WWOX: variants seen among roughly 807,000 people sequenced by gnomAD.
WWOX encodes the protein WW domain containing oxidoreductase.
Under a neutral mutation model 46.2 loss-of-function variants are expected in WWOX, and 69 were observed. That is an observed-to-expected ratio of 1.49 (90% CI 1.23 to 1.82). The LOEUF is 1.82. Ranked by LOEUF, WWOX falls within the 40% of genes most tolerant of loss-of-function variation. The pLI is 0.00. For missense variants in WWOX, 919 were observed against 542.6 expected, an observed-to-expected ratio of 1.69 and a Z score of -6.89; for synonymous variants, 359 against 202.6, an observed-to-expected ratio of 1.77 and a Z score of -6.56.
At chr16:78,490,792 C>G (rs1033304787) in intron 8 of WWOX, among the ~76,000 whole-genome samples, 4 of 152,224 alleles carry the variant, frequency 2.6e-5, no homozygotes, top group African/African-American at 9.7e-5. Context: ...AACGTGGCTT[C>G]TCTTCCCCAG....
chr16:78,141,430 C>CTTTTTTTT (rs10639685), intron 4 of WWOX, among the ~76,000 whole-genome samples: 14 of 118,960 alleles, frequency 1.2e-4, no homozygotes, highest in African/African-American at 3.8e-4. Flanking sequence ...CATCCCCCTT[C>CTTTTTTTT]TTTTTTTTTT....
rs2049660009 is a variant in WWOX, at chr16:78,756,790, G to A, written c.1056+324038G>A. Reference sequence around the variant, plus strand: ...CTCTGGTGATTCTCAGTTCTTGGTAGCCATGTCTCAGCATAGTCTTCTCGG... The same window carrying A: ...CTCTGGTGATTCTCAGTTCTTGGTAACCATGTCTCAGCATAGTCTTCTCGG... On this transcript the variant is annotated intron_variant, in intron 8 of 8. Coordinates refer to ENST00000566780, the MANE Select transcript of WWOX (RefSeq NM_016373.4). 1.4e-5 allele frequency: 7 copies of A among 516,738 alleles called. No individual in the cohort carries two copies. The South Asian group carries it at 2.4e-4, about 17-fold the overall frequency. 32.0% of individuals were successfully genotyped at this position (516,738 alleles called of 1,614,324 possible).
chr16:78,368,723 C>T (rs1405808056), intron 5 of WWOX, among the ~76,000 whole-genome samples: 2 of 152,196 alleles, frequency 1.3e-5, no homozygotes, highest in African/African-American at 4.8e-5. Context: ...CTGGGTTGCT[C>T]TTTGCAACAC....
At chr16:78,825,072 A>C (rs2051611799) in intron 8 of WWOX, among the ~76,000 whole-genome samples, 1 of 152,162 alleles carries the variant, frequency 6.6e-6, no homozygotes, top group South Asian at 2.1e-4. Flanking sequence ...GGTAATACTC[A>C]TGAACAACTC....
intron 8 of WWOX, among the ~76,000 whole-genome samples, chr16:78,636,270 C>G (rs1308980318): frequency 6.6e-6 from 1 of 152,118 alleles, no homozygotes; most frequent in African/African-American, 2.4e-5. Flanking sequence ...TATTGCAAAC[C>G]TACTGTGTGT....
chr16:78,610,183 C>G (rs765303645), intron 8 of WWOX, among the ~76,000 whole-genome samples: 106 of 152,158 alleles, frequency 7.0e-4, no homozygotes, highest in Non-Finnish European at 1.3e-3. Context: ...ATATACCTTC[C>G]AAATGGAGTA....
At chr16:78,430,454 C>A (rs1265576088) in intron 7 of WWOX, among the ~76,000 whole-genome samples, 1 of 152,154 alleles carries the variant, frequency 6.6e-6, no homozygotes. Context: ...TTTCTAGGCT[C>A]AGATAATTAT....
chr16:78,161,727 A>C (rs1012442311), intron 4 of WWOX, among the ~76,000 whole-genome samples: 4 of 152,164 alleles, frequency 2.6e-5, no homozygotes, highest in Non-Finnish European at 5.9e-5. Context: ...AGGCCACTGT[A>C]CCTAGTCATC....
intron 8 of WWOX, among the ~76,000 whole-genome samples, chr16:79,141,754 G>C (rs996032818): frequency 2.6e-5 from 4 of 152,088 alleles, no homozygotes; most frequent in African/African-American, 4.8e-5. Context: ...GAAGGAAGCA[G>C]TGTCCATTAG....
chr16:78,929,665 C>T (rs986533516), intron 8 of WWOX, among the ~76,000 whole-genome samples: 2 of 152,068 alleles, frequency 1.3e-5, no homozygotes, highest in African/African-American at 2.4e-5. Flanking sequence ...TAAAGACCCG[C>T]GTGGACTGCA....
At chr16:78,825,028 C>G (rs2051610293) in intron 8 of WWOX, among the ~76,000 whole-genome samples, 1 of 152,152 alleles carries the variant, frequency 6.6e-6, no homozygotes, top group Admixed American at 6.5e-5. Context: ...TTCTCTCTCA[C>G]CATCCCCTAA....
intron 8 of WWOX, among the ~76,000 whole-genome samples, chr16:78,918,770 G>A (rs1330626343): frequency 6.6e-6 from 1 of 152,156 alleles, no homozygotes; most frequent in African/African-American, 2.4e-5. Context: ...AATGCTCGGA[G>A]GAGTCAAGTT....
intron 5 of WWOX, among the ~76,000 whole-genome samples, chr16:78,331,158 A>G (rs1016669739): frequency 6.6e-6 from 1 of 152,192 alleles, no homozygotes; most frequent in Non-Finnish European, 1.5e-5. Flanking sequence ...TTGTGTCTGT[A>G]ATTTGGAACG....
intron 8 of WWOX, among the ~76,000 whole-genome samples, chr16:78,568,253 T>C (rs1333941849): frequency 2.6e-5 from 4 of 152,036 alleles, no homozygotes; most frequent in Admixed American, 6.5e-5. Flanking sequence ...TTAGAAAATA[T>C]ATGAGGTACG....
chr16:78,361,221 G>C (rs959241333), intron 5 of WWOX, among the ~76,000 whole-genome samples: 1 of 152,152 alleles, frequency 6.6e-6, no homozygotes, highest in African/African-American at 2.4e-5. Flanking sequence ...CTGAGTGTAA[G>C]CATTTTTTGG....
chr16:78,188,592 A>G (rs2035784334), intron 5 of WWOX, among the ~76,000 whole-genome samples: 2 of 152,134 alleles, frequency 1.3e-5, no homozygotes, highest in South Asian at 4.1e-4. Flanking sequence ...AAAATCCCAG[A>G]ATAGTAGGAC....
At position 78,420,362 on chromosome 16, in the gene WWOX, A is replaced by G. The variant is rs572525972; in HGVS notation, c.606-4508A>G. Among the ~76,000 whole-genome samples, 3 of 152,340 alleles carry G rather than the reference A, an allele frequency of 2.0e-5. No individual in the cohort carries two copies. The South Asian group carries it at 6.2e-4, about 32-fold the overall frequency. ...TCCTAATAGCCAATAAATGGAAACA[A>G]TCCAAATATCCATCATTGGTGAATG... On this transcript the variant is annotated intron_variant, in intron 6 of 8. Coordinates refer to ENST00000566780, the MANE Select transcript of WWOX (RefSeq NM_016373.4).
intron 7 of WWOX, among the ~76,000 whole-genome samples, chr16:78,425,591 C>G (rs188589842): frequency 1.2e-3 from 176 of 152,260 alleles, no homozygotes; most frequent in African/African-American, 4.1e-3. Context: ...CATCAGATGG[C>G]ACTTTTTTCC....
chr16:78,538,308 G>C (rs544145131), intron 8 of WWOX, among the ~76,000 whole-genome samples: 1 of 150,962 alleles, frequency 6.6e-6, no homozygotes, highest in East Asian at 2.0e-4. Flanking sequence ...GGTTGCACCT[G>C]GAAGCTCAGA....
Sources: gnomAD v4.1 joint callset for allele counts (sites outside exome capture counted in the v4.1 genomes callset) on GRCh38, gnomAD v4.1.1 for gene constraint, MANE v1.5 for transcripts, NCBI Gene and HGNC (gene_info 2026-07-23, HGNC 2026-07-21) for gene names.